Variants in CNTNAP5 observed in about 807,000 individuals in gnomAD.
The protein encoded by CNTNAP5 is contactin-associated protein-like 5.
A neutral mutation model predicts 150.2 loss-of-function variants in CNTNAP5; 72 were observed. The ratio of observed to expected loss-of-function variants is 0.48; its 90% CI spans 0.40 to 0.58. The LOEUF (loss-of-function observed/expected upper bound fraction) is 0.58, where lower values mean the gene tolerates loss of function less well. Ranked by LOEUF, CNTNAP5 falls within the 20% of genes least tolerant of loss-of-function variation. CNTNAP5 has a pLI of 0.00. For synonymous variants in CNTNAP5, 672 were observed against 619.8 expected, an observed-to-expected ratio of 1.08 and a Z score of -1.25; for missense variants, 1,636 against 1,626.2, an observed-to-expected ratio of 1.01 and a Z score of -0.10.
intron 1 of CNTNAP5, among the ~76,000 whole-genome samples, chr2:124,217,797 T>A (rs1043169350): frequency 1.6e-4 from 24 of 152,212 alleles, no homozygotes; most frequent in Admixed American, 7.2e-4. Flanking sequence ...TTACGGGCTT[T>A]ATACTTAAAA....
intron 11 of CNTNAP5, among the ~76,000 whole-genome samples, chr2:124,600,235 A>G (rs1392253047): frequency 1.3e-5 from 2 of 152,062 alleles, no homozygotes; most frequent in Non-Finnish European, 2.9e-5. Flanking sequence ...AGCCAGCAGC[A>G]AATCAGAGGA....
chr2:124,732,080 A>C (rs530585495), intron 13 of CNTNAP5, among the ~76,000 whole-genome samples: 1 of 152,106 alleles, frequency 6.6e-6, no homozygotes, highest in Non-Finnish European at 1.5e-5. Context: ...AATGTATTAC[A>C]ATGCAAAATA....
chr2:124,787,376 T>C (rs1331213351), intron 17 of CNTNAP5, among the ~76,000 whole-genome samples: 1 of 152,210 alleles, frequency 6.6e-6, no homozygotes, highest in Admixed American at 6.5e-5. Flanking sequence ...GTTAAAGAGA[T>C]TTACTTACCA....
At chr2:124,250,479 T>G (rs1488110543) in intron 3 of CNTNAP5, among the ~76,000 whole-genome samples, 1 of 152,180 alleles carries the variant, frequency 6.6e-6, no homozygotes, top group Non-Finnish European at 1.5e-5. Flanking sequence ...GTCTGCTTTC[T>G]TTTGAGCTTT....
At chr2:124,412,759 C>T (rs2104771768) in intron 3 of CNTNAP5, among the ~76,000 whole-genome samples, 1 of 106,612 alleles carries the variant, frequency 9.4e-6, no homozygotes, top group South Asian at 3.8e-4. Context: ...AAACGTTAGA[C>T]CTAAAACCAT....
chr2:124,664,156 C>T (rs1678648450), intron 13 of CNTNAP5, among the ~76,000 whole-genome samples: 1 of 151,898 alleles, frequency 6.6e-6, no homozygotes, highest in Non-Finnish European at 1.5e-5. Flanking sequence ...TTGGAATTCT[C>T]ATATGAGACA....
chr2:124,721,439 GC>G (rs1680045636), intron 13 of CNTNAP5, among the ~76,000 whole-genome samples: 1 of 151,576 alleles, frequency 6.6e-6, no homozygotes, highest in African/African-American at 2.4e-5. Context: ...CCAAGATCAT[GC>G]CACTGCACTC....
intron 1 of CNTNAP5, among the ~76,000 whole-genome samples, chr2:124,126,091 C>G (rs1411601643): frequency 6.6e-6 from 1 of 151,972 alleles, no homozygotes; most frequent in East Asian, 1.9e-4. Flanking sequence ...GATAGAGACA[C>G]AAAAAACCCT....
intron 14 of CNTNAP5, among the ~76,000 whole-genome samples, chr2:124,752,808 T>G (rs2105151886): frequency 6.6e-6 from 1 of 152,290 alleles, no homozygotes; most frequent in East Asian, 1.9e-4. Context: ...GTGACAGCTC[T>G]GGGTTGCAGA....
At position 124,242,165 on chromosome 2, in the gene CNTNAP5, A is replaced by G. The variant is rs1039342418; in HGVS notation, c.188-35A>G. On this transcript the variant is annotated intron_variant, in intron 2 of 23. Transcript: ENST00000682447. ...AATTGTAGCTATGTGAGACATTACT[A>G]CAACTCTCTCTCACTCTCTCTGATC... 15 of 1,513,112 alleles carry G rather than the reference A, an allele frequency of 9.9e-6. No homozygotes were observed. In the Admixed American group the frequency reaches 2.0e-4, roughly 20 times the overall value. The allele number at this position is 1,513,112 out of a possible 1,614,324, so 93.7% of individuals were successfully genotyped here. A position where few individuals can be genotyped will look rare whatever the true frequency, so the allele number is the denominator to read the frequency against.
chr2:124,349,874 C>CTTTTTTTTTTTTTTTTTTTTTTTT (rs70996061), intron 3 of CNTNAP5, among the ~76,000 whole-genome samples: 1 of 81,828 alleles, frequency 1.2e-5, no homozygotes, highest in Non-Finnish European at 2.2e-5. Flanking sequence ...CTGGCTATTT[C>CTTTTTTTTTTTTTTTTTTTTTTTT]TTTTTTTTTT....
At chr2:124,492,441 T>C (rs1297784734) in intron 7 of CNTNAP5, among the ~76,000 whole-genome samples, 2 of 152,236 alleles carry the variant, frequency 1.3e-5, no homozygotes, top group Non-Finnish European at 2.9e-5. Context: ...TCTCTGTGTC[T>C]GTTTGTATGC....
At chr2:124,773,781 G>A (rs918360526) in intron 17 of CNTNAP5, among the ~76,000 whole-genome samples, 7 of 152,084 alleles carry the variant, frequency 4.6e-5, no homozygotes, top group Non-Finnish European at 1.0e-4. Flanking sequence ...GTGTGTGTGT[G>A]TGTTTCACAG....
intron 3 of CNTNAP5, among the ~76,000 whole-genome samples, chr2:124,244,963 A>T (rs1308759169): frequency 6.6e-6 from 1 of 152,118 alleles, no homozygotes; most frequent in Non-Finnish European, 1.5e-5. Flanking sequence ...CACAACTAAG[A>T]TTTATTCCTA....
intron 1 of CNTNAP5, among the ~76,000 whole-genome samples, chr2:124,201,887 A>G (rs1259311877): frequency 6.6e-6 from 1 of 152,174 alleles, no homozygotes; most frequent in Non-Finnish European, 1.5e-5. Context: ...TCATCTTAGT[A>G]TCAACATTGG....
At chr2:124,303,874 A>G (rs1279875709) in intron 3 of CNTNAP5, among the ~76,000 whole-genome samples, 2 of 152,112 alleles carry the variant, frequency 1.3e-5, no homozygotes, top group African/African-American at 4.8e-5. Flanking sequence ...ATTACAAAAC[A>G]TTAAAGAATT....
intron 10 of CNTNAP5, among the ~76,000 whole-genome samples, chr2:124,537,051 A>C (rs551166586): frequency 6.6e-6 from 1 of 152,002 alleles, no homozygotes; most frequent in Non-Finnish European, 1.5e-5. Context: ...AGAGAGAGAG[A>C]GAAAGAGAGA....
intron 13 of CNTNAP5, among the ~76,000 whole-genome samples, chr2:124,726,031 T>C (rs1013982190): frequency 6.6e-6 from 1 of 152,110 alleles, no homozygotes; most frequent in African/African-American, 2.4e-5. Context: ...TTAAATTATT[T>C]TGTGGAACCT....
intron 1 of CNTNAP5, among the ~76,000 whole-genome samples, chr2:124,194,076 T>A (rs945879982): frequency 6.6e-6 from 1 of 152,072 alleles, no homozygotes; most frequent in Admixed American, 6.6e-5. Flanking sequence ...TTCTCACTCA[T>A]CCTAGGCCTT....
Sources: gnomAD v4.1 joint callset for allele counts (sites outside exome capture counted in the v4.1 genomes callset) on GRCh38, gnomAD v4.1.1 for gene constraint, MANE v1.5 for transcripts, NCBI Gene and HGNC (gene_info 2026-07-23, HGNC 2026-07-21) for gene names.